The following GRAMD1A variants were observed in gnomAD, a reference collection of about 807,000 sequenced individuals.
GRAMD1A encodes GRAM domain containing 1A, also known as protein Aster-A.
GRAMD1A carries 50 observed loss-of-function variants against 92.0 expected under a neutral mutation model. The observed-to-expected ratio is 0.54, with a 90% CI of 0.43 to 0.69. The LOEUF is 0.69. GRAMD1A is among the 30% of genes least tolerant of loss of function. GRAMD1A has a pLI of 0.00. For synonymous variants in GRAMD1A, 405 were observed against 403.6 expected (o/e 1.00, Z -0.04); for missense variants, 819 against 978.9 (o/e 0.84, Z 2.18).
At position 35,022,896 on chromosome 19, in the gene GRAMD1A, G is replaced by A. The variant is rs201978071; in HGVS notation, c.1842-4G>A. ...TCTGTCTCCCCTCACTGCTGCTGCT[G>A]CAGGATCTGTGTGAGGTAGGGTCCC... is the stretch of plus-strand genomic sequence containing the variant. On this transcript the variant is annotated splice_region_variant and splice_polypyrimidine_tract_variant and intron_variant, in intron 16 of 19. Transcript: ENST00000317991. 1.9e-6 allele frequency: 3 copies of A among 1,604,332 alleles called. No homozygotes were observed. Among genetic ancestry groups the A allele is most frequent in the African/African-American group, 1.3e-5 (1 of 74,852 alleles).
At position 35,013,250 on chromosome 19, in the gene GRAMD1A, C is replaced by T. The variant is rs368835021; in HGVS notation, c.607-6C>T. ...TGGAGGCCAACCCCAGGTCCCGCCT[C>T]CCCAGACGCTGAGTCCCCGCGAGCT... On this transcript the variant is annotated splice_region_variant and splice_polypyrimidine_tract_variant and intron_variant, in intron 7 of 19. Coordinates refer to ENST00000317991, the MANE Select transcript of GRAMD1A (RefSeq NM_020895.5). This position sits in a 1 kb window ranked among gnomAD's most constrained non-coding sequence, Gnocchi z 4.9. The T allele has an allele frequency of 6.8e-4, 1,023 of 1,510,440 alleles. 2 individuals carry two copies. The highest frequency in any genetic ancestry group is 1.4e-3 in the Admixed American group (73 of 50,592). 93.6% of individuals were successfully genotyped at this position (1,510,440 alleles called of 1,614,324 possible).
chr19:35,009,600 G>C, intron 3 of GRAMD1A, 157 bp downstream of exon 3: 1 of 798,496 alleles, frequency 1.3e-6, no homozygotes, highest in Non-Finnish European at 2.1e-6. Context: ...GTGTGACCTT[G>C]GGTGAGTTAC....
intron 10 of GRAMD1A, chr19:35,014,878 A>C (rs1481646414): frequency 1.2e-5 from 2 of 162,508 alleles, no homozygotes; most frequent in East Asian, 3.3e-4. Context: ...AAAGAAAAAA[A>C]AGAAAAAACT....
intron 1 of GRAMD1A, among the ~76,000 whole-genome samples, chr19:35,001,568 T>C (rs1223478122): frequency 6.6e-6 from 1 of 152,138 alleles, no homozygotes; most frequent in Non-Finnish European, 1.5e-5. Flanking sequence ...TGACCCTCTG[T>C]GCCTGCATAT....
chr19:35,022,289 G>T (rs1418827550), intron 16 of GRAMD1A, among the ~76,000 whole-genome samples: 8 of 152,164 alleles, frequency 5.3e-5, no homozygotes, highest in Non-Finnish European at 8.8e-5. Flanking sequence ...AGGATCAAGG[G>T]GGGCTTTCTG....
rs1275918157 is a variant in GRAMD1A, at chr19:35,000,444, C to CCCTGT, written c.-31_-30insTCCTG. The CCCTGT allele has an allele frequency of 1.6e-6, 2 of 1,248,708 alleles. No homozygotes were observed. Among genetic ancestry groups the CCCTGT allele is most frequent in the Non-Finnish European group, 2.0e-6 (2 of 992,994 alleles). 77.4% of individuals were successfully genotyped at this position (1,248,708 alleles called of 1,614,324 possible). On this transcript the variant is annotated 5_prime_UTR_variant, in exon 1 of 20. Transcript: ENST00000317991. The surrounding 1 kb of genome is among the most constrained non-coding windows in gnomAD (Gnocchi z 4.9). Reference sequence around the variant, plus strand: ...CCCAGCCCTGCCCTGCCCTGCCCTGCCCTGCGCCCGGGGCGCGCCCACCGC... The same window carrying CCCTGT: ...CCCAGCCCTGCCCTGCCCTGCCCTGCCCTGTCCTGCGCCCGGGGCGCGCCCACCGC...
chr19:35,015,669 T>A, intron 10 of GRAMD1A, 155 bp from the exon 11 acceptor site: 1 of 654,126 alleles, frequency 1.5e-6, no homozygotes, highest in East Asian at 3.1e-5. Flanking sequence ...AACCCATCCC[T>A]GAGTCACAGG....
intron 1 of GRAMD1A, among the ~76,000 whole-genome samples, chr19:35,001,607 C>CT (rs113097476): frequency 1.6e-3 from 238 of 145,232 alleles, no homozygotes; most frequent in African/African-American, 1.6e-3. Context: ...AAACGCTCTT[C>CT]TTTTTTTTTT....
At chr19:35,010,036 G>A (rs2015109647) in intron 4 of GRAMD1A, 56 bp from the exon 5 acceptor site, 1 of 1,529,736 alleles carries the variant, frequency 6.5e-7, no homozygotes, top group South Asian at 1.1e-5. Context: ...CAGCCCGCGG[G>A]CGCCGGCTGA....
At chr19:34,999,923 A>C, upstream of GRAMD1A, 3 of 866,246 alleles carry the variant, frequency 3.5e-6, no homozygotes, top group Non-Finnish European at 4.2e-6. Flanking sequence ...CCCCTCCCCC[A>C]TACATACACC....
At chr19:34,995,982 T>A, upstream of GRAMD1A, 1 of 1,486,794 alleles carries the variant, frequency 6.7e-7, no homozygotes, top group Non-Finnish European at 8.9e-7. Context: ...ATCTCTTTTT[T>A]CTCTTTCCCA....
In GRAMD1A at chr19:35,014,396, G is replaced by T. The variant is rs915593546; in HGVS notation, c.1069+9G>T. ...ATCCACTGGGGAGGAAGGTGAGGCA[G>T]GCGGGCCCAATTCATTCGCCTCCGG... On this transcript the variant is annotated intron_variant, in intron 10 of 19. Coordinates refer to ENST00000317991, the MANE Select transcript of GRAMD1A (RefSeq NM_020895.5). 6.2e-7 allele frequency: 1 copy of T among 1,612,704 alleles called. No individual in the cohort carries two copies. The highest frequency in any genetic ancestry group is 2.2e-5 in the East Asian group (1 of 44,890).
At chr19:35,008,865 T>G (rs1429337601) in intron 1 of GRAMD1A, among the ~76,000 whole-genome samples, 4 of 152,130 alleles carry the variant, frequency 2.6e-5, no homozygotes, top group Non-Finnish European at 5.9e-5. Context: ...GCTTTACATG[T>G]CCTGATTTGT....
chr19:34,995,580 T>C (rs867567139), upstream of GRAMD1A, among the ~76,000 whole-genome samples: 15 of 122,026 alleles, frequency 1.2e-4, 2 homozygotes, highest in Non-Finnish European at 2.3e-4. Flanking sequence ...GGTTTTTTTT[T>C]TTTTTTTTTT....
chr19:35,001,770 G>A (rs1159917368), intron 1 of GRAMD1A, among the ~76,000 whole-genome samples: 1 of 152,118 alleles, frequency 6.6e-6, no homozygotes. Context: ...ACCACGCCTG[G>A]CTAAGTTTTG....
At chr19:35,005,203 G>A (rs895714780) in intron 1 of GRAMD1A, among the ~76,000 whole-genome samples, 4 of 151,846 alleles carry the variant, frequency 2.6e-5, no homozygotes, top group Admixed American at 6.6e-5. Context: ...TCGTGGGTGG[G>A]GGTTGGGGGT....
rs766863713 is a variant in GRAMD1A, at chr19:35,013,634, G to A, written c.813G>A (p.Ser271=). Reference sequence around the variant, plus strand: ...GCCAGGAGCCAAGCCCAGTGGGTTCGCGCCGTGGCCATGTCACGCCCAACC... The same window carrying A: ...GCCAGGAGCCAAGCCCAGTGGGTTCACGCCGTGGCCATGTCACGCCCAACC... ...DRSQEPSPVG[S]RRGHVTPNLS... Residue 271 remains serine (S), a synonymous_variant, in exon 9 of 20, where the codon TCG becomes TCA. Transcript: ENST00000317991. This position sits in a 1 kb window ranked among gnomAD's most constrained non-coding sequence, Gnocchi z 4.9. 30 of 1,613,510 alleles carry A rather than the reference G, an allele frequency of 1.9e-5. No individual in the cohort carries two copies. Among genetic ancestry groups the A allele is most frequent in the East Asian group, 1.8e-4 (8 of 44,886 alleles).
At chr19:34,998,234 G>A (rs1406539713), upstream of GRAMD1A, 1 of 151,312 alleles carries the variant, frequency 6.6e-6, no homozygotes, top group African/African-American at 2.4e-5. Flanking sequence ...GAAGCAAAAT[G>A]GCAAAATGTC....
intron 3 of GRAMD1A, 53 bp downstream of exon 3, chr19:35,009,496 G>A (rs538575332): frequency 8.8e-6 from 14 of 1,593,512 alleles, no homozygotes; most frequent in African/African-American, 4.0e-5. Context: ...CGGGTGCTGG[G>A]CCAGGAGCCC....
Sources: allele counts gnomAD v4.1 joint callset (sites outside exome capture counted in the v4.1 genomes callset), GRCh38; gene constraint gnomAD v4.1.1; non-coding constraint Gnocchi (gnomAD v3.1); transcripts MANE v1.5; gene names NCBI Gene and HGNC (gene_info 2026-07-23, HGNC 2026-07-21).